The following WDR72 variants were observed in gnomAD, a reference collection of about 807,000 sequenced individuals.
WDR72 encodes WD repeat-containing protein 72.
In WDR72, 120 loss-of-function variants were observed where a neutral mutation model predicts 124.2. The observed-to-expected ratio is 0.97, with a 90% CI of 0.83 to 1.12. WDR72 has a LOEUF of 1.12. WDR72 is among the 50% of genes most tolerant of loss of function. WDR72 has a pLI of 0.00. For synonymous variants in WDR72, 452 were observed against 441.7 expected, an observed-to-expected ratio of 1.02 and a Z score of -0.29; for missense variants, 1,387 against 1,278.8, an observed-to-expected ratio of 1.08 and a Z score of -1.29.
chr15:53,535,621 T>C (rs763350811), intron 18 of WDR72, among the ~76,000 whole-genome samples: 5 of 152,180 alleles, frequency 3.3e-5, no homozygotes, highest in Non-Finnish European at 7.3e-5. Flanking sequence ...ATTTCTCTCC[T>C]ATTTCCCACA....
At chr15:53,727,281 G>A (rs1457886863) in intron 2 of WDR72, among the ~76,000 whole-genome samples, 3 of 149,966 alleles carry the variant, frequency 2.0e-5, no homozygotes, top group African/African-American at 7.4e-5. Context: ...CAAATGTCTT[G>A]TGGGTAATAA....
chr15:53,568,956 T>G (rs1172274224), intron 18 of WDR72, among the ~76,000 whole-genome samples: 3 of 152,086 alleles, frequency 2.0e-5, no homozygotes, highest in African/African-American at 7.2e-5. Context: ...TTAATTATGA[T>G]ATATTTAGCT....
At chr15:53,609,902 A>C (rs2013465899) in intron 16 of WDR72, among the ~76,000 whole-genome samples, 1 of 152,068 alleles carries the variant, frequency 6.6e-6, no homozygotes, top group Non-Finnish European at 1.5e-5. Flanking sequence ...ATACTAACAC[A>C]TATTCACATC....
rs551655093 is a variant in WDR72, at chr15:53,745,866, C to G, written c.-12-12705G>C. On this transcript the variant is annotated intron_variant, in intron 1 of 19. Coordinates refer to ENST00000360509, the MANE Select transcript of WDR72 (RefSeq NM_182758.4). ...TAACCAAAGAAATGAGTGGCCGAGA[C>G]AGAAACTGAACCAGGTTTACTAACA... Among the ~76,000 whole-genome samples the G allele has an allele frequency of 1.6e-4, 24 of 152,216 alleles. 1 individual carries two copies. The South Asian group carries it at 5.0e-3, about 32-fold the overall frequency.
chr15:53,596,025 T>C (rs2012755416), intron 18 of WDR72, among the ~76,000 whole-genome samples: 1 of 152,130 alleles, frequency 6.6e-6, no homozygotes, highest in Admixed American at 6.6e-5. Context: ...CTCCAATCAG[T>C]AATCTCATAA....
At chr15:53,703,778 T>C (rs1177014124) in intron 11 of WDR72, among the ~76,000 whole-genome samples, 4 of 152,096 alleles carry the variant, frequency 2.6e-5, no homozygotes, top group Non-Finnish European at 5.9e-5. Flanking sequence ...ACTCTCTTTA[T>C]TCAAAATGAA....
rs1311642363 is a variant in WDR72 at position 53,689,301 on chromosome 15, T to G, written c.1765+10449A>C. On this transcript the variant is annotated intron_variant, in intron 13 of 19. Coordinates refer to ENST00000360509, the MANE Select transcript of WDR72 (RefSeq NM_182758.4). The stretch of plus-strand genomic sequence containing the variant: ...GCAACCTACAAAATGGGAGAAAATT[T>G]TCACAACCTACTCATCTGACAAAGG... Among the ~76,000 whole-genome samples the G allele has an allele frequency of 2.0e-5, 3 of 150,048 alleles. No homozygotes were observed. In the East Asian group the frequency reaches 5.9e-4, roughly 29 times the overall value.
intron 16 of WDR72, among the ~76,000 whole-genome samples, chr15:53,610,753 T>TA (rs766206857): frequency 6.6e-6 from 1 of 152,092 alleles, no homozygotes; most frequent in East Asian, 1.9e-4. Context: ...CCAAGAACAC[T>TA]ATATAAAACA....
chr15:53,695,556 T>A (rs906004685), intron 13 of WDR72, among the ~76,000 whole-genome samples: 3 of 152,174 alleles, frequency 2.0e-5, no homozygotes, highest in Non-Finnish European at 4.4e-5. Context: ...TCATGGGACA[T>A]CCGGCAAATC....
At chr15:53,579,867 A>G (rs1438363149) in intron 18 of WDR72, among the ~76,000 whole-genome samples, 2 of 152,144 alleles carry the variant, frequency 1.3e-5, no homozygotes, top group Non-Finnish European at 2.9e-5. Context: ...TAATAGAAAG[A>G]TCAAGGGCTG....
At chr15:53,608,685 G>A (rs2013395633) in intron 17 of WDR72, among the ~76,000 whole-genome samples, 1 of 152,026 alleles carries the variant, frequency 6.6e-6, no homozygotes, top group Non-Finnish European at 1.5e-5. Flanking sequence ...GAGCCTGGAA[G>A]AACGAGGCTG....
chr15:53,682,580 C>T (rs1376777122), intron 13 of WDR72, among the ~76,000 whole-genome samples: 2 of 152,042 alleles, frequency 1.3e-5, no homozygotes, highest in African/African-American at 2.4e-5. Flanking sequence ...ATCCAGGTCA[C>T]CTCTTGAATG....
At position 53,516,694 on chromosome 15, in the gene WDR72, A is replaced by G. The variant is rs1346726136; in HGVS notation, c.*1005T>C. On this transcript the variant is annotated 3_prime_UTR_variant, in exon 20 of 20. Transcript: ENST00000360509. ...AGATAGATATAGCTATATATCACAT[A>G]TTTAATACTTTATATCCTTTTTTCT... 1.3e-5 allele frequency: 2 copies of G among 152,040 alleles called. No individual in the cohort carries two copies. The highest frequency in any genetic ancestry group is 2.9e-5 in the Non-Finnish European group (2 of 67,980). 9.4% of individuals were successfully genotyped at this position (152,040 alleles called of 1,614,324 possible). A position where few individuals can be genotyped will look rare whatever the true frequency, so the allele number is the denominator to read the frequency against.
intron 14 of WDR72, among the ~76,000 whole-genome samples, chr15:53,663,008 G>C (rs2015657741): frequency 2.0e-5 from 3 of 151,622 alleles, no homozygotes; most frequent in Non-Finnish European, 1.5e-5. Flanking sequence ...GTTCAAATCT[G>C]TAGTGGGCTA....
At chr15:53,731,092 G>A (rs183279534) in intron 2 of WDR72, among the ~76,000 whole-genome samples, 9 of 152,178 alleles carry the variant, frequency 5.9e-5, no homozygotes, top group African/African-American at 1.9e-4. Flanking sequence ...ATTAACTTTT[G>A]CACAATGTCC....
chr15:53,563,695 A>G (rs1322409054), intron 18 of WDR72, among the ~76,000 whole-genome samples: 5 of 151,780 alleles, frequency 3.3e-5, no homozygotes, highest in Non-Finnish European at 7.4e-5. Context: ...TTAATCTGAA[A>G]TACTGTTCTT....
intron 18 of WDR72, among the ~76,000 whole-genome samples, chr15:53,578,721 TTAAA>T (rs756588057): frequency 1.3e-4 from 19 of 151,538 alleles, no homozygotes; most frequent in East Asian, 5.8e-4. Context: ...CCATATGTGC[TTAAA>T]TAAATAAAAC....
intron 18 of WDR72, among the ~76,000 whole-genome samples, chr15:53,592,612 C>A (rs1019400985): frequency 9.9e-5 from 15 of 151,788 alleles, no homozygotes; most frequent in African/African-American, 3.6e-4. Context: ...TTTGCAATAC[C>A]CATATTTGAT....
chr15:53,710,704 G>A (rs2017508239), intron 9 of WDR72, among the ~76,000 whole-genome samples, 153 bp downstream of exon 9: 1 of 152,104 alleles, frequency 6.6e-6, no homozygotes, highest in South Asian at 2.1e-4. Context: ...CTCTTTGGTA[G>A]CCATTGATAA....
Sources: gnomAD v4.1 joint callset for allele counts (sites outside exome capture counted in the v4.1 genomes callset) on GRCh38, gnomAD v4.1.1 for gene constraint, MANE v1.5 for transcripts, NCBI Gene and HGNC (gene_info 2026-07-23, HGNC 2026-07-21) for gene names.